Variants in ZNF641 observed in about 807,000 individuals in gnomAD.
ZNF641 encodes zinc finger protein 641.
ZNF641 carries 26 observed loss-of-function variants against 46.2 expected under a neutral mutation model. The observed-to-expected ratio is 0.56, with a 90% CI of 0.41 to 0.78. The LOEUF is 0.78. Among genes scored for constraint, ZNF641 ranks in the 30% least tolerant of loss-of-function variants. ZNF641 has a pLI of 0.00. For missense variants in ZNF641, 469 were observed against 517.8 expected, an observed-to-expected ratio of 0.91 and a Z score of 0.91; for synonymous variants, 163 against 187.9, an observed-to-expected ratio of 0.87 and a Z score of 1.09.
intron 1 of ZNF641, among the ~76,000 whole-genome samples, chr12:48,348,621 C>A (rs767821433): frequency 2.0e-5 from 3 of 152,186 alleles, no homozygotes; most frequent in Non-Finnish European, 2.9e-5. Flanking sequence ...AACCAAGGGG[C>A]GTATTTGTAT....
At position 48,348,057 on chromosome 12, in the gene ZNF641, C is replaced by T. The variant is rs910749508; in HGVS notation, c.34G>A (p.Gly12Arg). Residue 12 changes from glycine (G) to arginine (R), a missense_variant, in exon 2 of 6, where the codon GGA becomes AGA. By Grantham distance (125) the Gly-to-Arg change is moderately radical. Transcript: ENST00000547026. ...LSEQTAALGT[G>R]WESMNVQLDG... is the part of the protein sequence containing the mutation. ...AGCTGTACATTCATTGATTCCCATC[C>T]TGTCCCCAGCGCTGCTGTCTGTTCT... 8.7e-6 allele frequency: 14 copies of T among 1,614,118 alleles called. No homozygotes were observed. Among genetic ancestry groups the T allele is most frequent in the Non-Finnish European group, 1.2e-5 (14 of 1,180,058 alleles).
chr12:48,335,264 T>C (rs557075806), downstream of ZNF641, among the ~76,000 whole-genome samples: 1 of 152,230 alleles, frequency 6.6e-6, no homozygotes, highest in East Asian at 1.9e-4. Context: ...TCTGCCTTAC[T>C]TACTCTCTGG....
At position 48,342,536 on chromosome 12, in the gene ZNF641, C is replaced by T; in HGVS notation, c.*437G>A. The T allele has an allele frequency of 1.5e-6, 1 of 679,294 alleles. No homozygotes were observed. Among genetic ancestry groups the T allele is most frequent in the Non-Finnish European group, 1.8e-6 (1 of 546,388 alleles). 42.1% of individuals were successfully genotyped at this position (679,294 alleles called of 1,614,324 possible). ...TTAATAGAACCTTCAGTTGGGTCTA[C>T]TGCAGAAATTTTCAGAGCCTTTAAT... On this transcript the variant is annotated 3_prime_UTR_variant, in exon 6 of 6. Transcript: ENST00000547026.
upstream of ZNF641, chr12:48,350,964 G>T: frequency 1.6e-6 from 1 of 621,040 alleles, no homozygotes; most frequent in South Asian, 7.0e-5. Flanking sequence ...CCCGCTTCCG[G>T]GGCTCTGCGG....
intron 4 of ZNF641, 32 bp from the exon 5 acceptor site, chr12:48,344,744 AT>A (rs1340249251): frequency 7.6e-7 from 1 of 1,318,610 alleles, no homozygotes; most frequent in African/African-American, 1.5e-5. Flanking sequence ...AGAGCTGTCA[AT>A]TAGTTCAACA....
chr12:48,347,306 C>G lies in ZNF641; in HGVS notation c.222G>C (p.Glu74Asp). 6.2e-7 allele frequency: 1 copy of G among 1,613,596 alleles called. No individual in the cohort carries two copies. Among genetic ancestry groups the G allele is most frequent in the Non-Finnish European group, 8.5e-7 (1 of 1,179,678 alleles). ...CCATCTCCCAGTCTCCAGTGTTCCCCTCCTGGGGAATTGCAGGAACCCAGG... is the reference window on the plus strand; with the variant it reads ...CCATCTCCCAGTCTCCAGTGTTCCCGTCCTGGGGAATTGCAGGAACCCAGG... ...SAPWVPAIPQ[E>D]GNTGDWEMAA... The change falls in exon 3 of 6, where the codon GAG becomes GAC. Residue 74 changes from glutamate (E) to aspartate (D), a missense_variant. Glu to Asp is a conservative substitution (Grantham distance 45). Coordinates refer to ENST00000547026, the MANE Select transcript of ZNF641 (RefSeq NM_001172681.2).
chr12:48,348,713 T>G (rs1002831759), intron 1 of ZNF641, among the ~76,000 whole-genome samples: 1 of 152,204 alleles, frequency 6.6e-6, no homozygotes, highest in African/African-American at 2.4e-5. Context: ...TGAAAACTGG[T>G]AGTAAATATG....
upstream of ZNF641, chr12:48,351,171 T>C (rs1293978599): frequency 2.0e-5 from 3 of 152,196 alleles, no homozygotes; most frequent in Non-Finnish European, 4.4e-5. Context: ...AATCGCAGCC[T>C]GCTGTGGCCA....
In ZNF641 at chr12:48,345,454, A is replaced by G. The variant is rs1156814651; in HGVS notation, c.297T>C (p.Asp99=). The G allele has an allele frequency of 4.3e-6, 7 of 1,614,094 alleles. No individual in the cohort carries two copies. The highest frequency in any genetic ancestry group is 2.7e-5 in the African/African-American group (2 of 74,934). The change falls in exon 4 of 6, where the codon GAT becomes GAC. Residue 99 remains aspartate, a synonymous_variant. Transcript: ENST00000547026. The part of the protein sequence containing the change: ...AGSQGLVTIK[D]VSLCFSQEEW... ...CCTCCTGAGAGAAGCACAGTGACAC[A>G]TCCTTGATGGTTACCAGGCCCTGAA...
chr12:48,343,380 T>C lies in ZNF641; in HGVS notation c.868A>G (p.Arg290Gly). 1 of 1,614,192 alleles carries C rather than the reference T, an allele frequency of 6.2e-7. No homozygotes were observed. Among genetic ancestry groups the C allele is most frequent in the East Asian group, 2.2e-5 (1 of 44,874 alleles). ...TTCTGGTGCCTGATGAGGTGATGTC[T>C]TCGCCCAAAGGTCTTCTCACACTTG... ...CLKCEKTFGRRHHLIRHQKTH... is the reference protein window; with the variant it reads ...CLKCEKTFGRGHHLIRHQKTH... The change falls in exon 6 of 6, where the codon AGA becomes GGA. Residue 290 changes from arginine to glycine, a missense_variant. By Grantham distance (125) the Arg-to-Gly change is moderately radical. Coordinates refer to ENST00000547026, the MANE Select transcript of ZNF641 (RefSeq NM_001172681.2).
At chr12:48,348,219 A>G in intron 1 of ZNF641, 104 bp from the exon 2 acceptor site, 16 of 1,118,388 alleles carry the variant, frequency 1.4e-5, no homozygotes, top group Non-Finnish European at 2.1e-5. Context: ...AAAACTAGAT[A>G]GGAGGAGCTT....
In ZNF641 at chr12:48,347,998, G is replaced by C; in HGVS notation, c.93C>G (p.Ser31Arg). 1 of 1,614,172 alleles carries C rather than the reference G, an allele frequency of 6.2e-7. No homozygotes were observed. Among genetic ancestry groups the C allele is most frequent in the Non-Finnish European group, 8.5e-7 (1 of 1,180,040 alleles). ...CTGTTCTCCATGGCCGCTCTTCCTG[G>C]CTTCCCCTTTCCACCTGGGGCTCTG... ...DGAEPQVERG[S>R]QEERPWRTVP... Residue 31 changes from serine (S) to arginine (R), a missense_variant, in exon 2 of 6, where the codon AGC (serine) becomes AGG (arginine). By Grantham distance (110) the Ser-to-Arg change is moderately radical. Around this residue, in one of 3 missense-constraint regions of ZNF641, gnomAD observed 98 missense variants for 105.7 expected, o/e 0.93. Transcript: ENST00000547026.
In ZNF641 at chr12:48,350,046, C is replaced by A. The variant is rs777309964; in HGVS notation, c.-26+740G>T. 1.9e-6 allele frequency: 3 copies of A among 1,614,194 alleles called. No homozygotes were observed. The South Asian group carries it at 3.3e-5, about 18-fold the overall frequency. ...TCTCAGCAAAGGATGGGATGGGTAC[C>A]TGTCCTCAGCTTGCATTTCCTAAGA... On this transcript the variant is annotated intron_variant, in intron 1 of 5. Transcript: ENST00000547026.
downstream of ZNF641, among the ~76,000 whole-genome samples, chr12:48,336,834 G>C (rs888305019): frequency 1.4e-4 from 22 of 152,180 alleles, no homozygotes; most frequent in Admixed American, 6.5e-5. Flanking sequence ...TTGAAACTGA[G>C]GGCCTCCTTA....
chr12:48,350,919 CGCGGGCGGG>C (rs1565997293), upstream of ZNF641: 3 of 950,836 alleles, frequency 3.2e-6, no homozygotes, highest in Non-Finnish European at 3.8e-6. Context: ...GCCCGGCAGG[CGCGGGCGGG>C]GCGGGGCGGG....
intron 2 of ZNF641, 35 bp from the exon 3 acceptor site, chr12:48,347,378 C>T (rs762680295): frequency 8.3e-6 from 13 of 1,560,678 alleles, no homozygotes; most frequent in African/African-American, 4.1e-5. Context: ...TAGAGAATAA[C>T]GATCTACCCT....
At chr12:48,335,613 TA>T (rs1217326032), downstream of ZNF641, among the ~76,000 whole-genome samples, 1 of 152,230 alleles carries the variant, frequency 6.6e-6, no homozygotes, top group East Asian at 1.9e-4. Flanking sequence ...TTTTCATTGA[TA>T]AGCTTTAGGG....
At chr12:48,345,513 T>G in intron 3 of ZNF641, 39 bp from the exon 4 acceptor site, 1 of 1,612,872 alleles carries the variant, frequency 6.2e-7, no homozygotes. Context: ...GCAGCTGTTT[T>G]TTAAGGAAAA....
At chr12:48,349,896 C>A in intron 1 of ZNF641, 1 of 920,874 alleles carries the variant, frequency 1.1e-6, no homozygotes, top group Non-Finnish European at 1.7e-6. Flanking sequence ...TTGTCTCAAA[C>A]CCTTTCTCCA....
Sources: gnomAD v4.1 joint callset for allele counts (sites outside exome capture counted in the v4.1 genomes callset) on GRCh38, gnomAD v4.1.1 for gene constraint, gnomAD v4.1.1 regional missense constraint, MANE v1.5 for transcripts, NCBI Gene and HGNC (gene_info 2026-07-23, HGNC 2026-07-21) for gene names.